CDC5L: variants seen among roughly 807,000 people sequenced by gnomAD.
CDC5L encodes cell division cycle 5-like protein.
A neutral mutation model predicts 104.1 loss-of-function variants in CDC5L; 18 were observed. The ratio of observed to expected loss-of-function variants is 0.17; its 90% CI spans 0.12 to 0.26. The LOEUF (loss-of-function observed/expected upper bound fraction) is 0.26. Among genes scored for constraint, CDC5L ranks in the 10% least tolerant of loss-of-function variants. The pLI, the probability that CDC5L is intolerant of heterozygous loss-of-function variation, is 1.00. For missense variants in CDC5L, 673 were observed against 956.9 expected, an observed-to-expected ratio of 0.70 and a Z score of 3.91; for synonymous variants, 331 against 322.7, an observed-to-expected ratio of 1.03 and a Z score of -0.28.
intron 2 of CDC5L, 32 bp from the exon 3 acceptor site, chr6:44,392,635 G>T: frequency 1.3e-6 from 2 of 1,589,944 alleles, no homozygotes; most frequent in South Asian, 2.2e-5. Context: ...CCAGGTAACT[G>T]ATTAATATAT....
chr6:44,404,145 A>T (rs1253413512), intron 6 of CDC5L, 118 bp downstream of exon 6: 5 of 670,630 alleles, frequency 7.5e-6, no homozygotes, highest in African/African-American at 3.8e-5. Flanking sequence ...TACATTTTTT[A>T]AAATCAATTT....
At chr6:44,406,954 A>T (rs561597772) in intron 7 of CDC5L, among the ~76,000 whole-genome samples, 1 of 152,184 alleles carries the variant, frequency 6.6e-6, no homozygotes, top group African/African-American at 2.4e-5. Flanking sequence ...AAAAAACCCC[A>T]CAAGTAATTG....
In CDC5L at chr6:44,387,728, T is replaced by G. The variant is rs1196797530; in HGVS notation, c.-96T>G. The G allele has an allele frequency of 7.3e-6, 8 of 1,100,552 alleles. No individual in the cohort carries two copies. Among genetic ancestry groups the G allele is most frequent in the Non-Finnish European group, 1.1e-5 (8 of 740,020 alleles). 68.2% of individuals were successfully genotyped at this position (1,100,552 alleles called of 1,614,324 possible). ...GATCTTCAAAGCAGAAGGTCGCGCT[T>G]GGAGGAAGTGGCGGCTTTGAGTCCG... is the stretch of plus-strand genomic sequence containing the variant. On this transcript the variant is annotated 5_prime_UTR_variant, in exon 1 of 16. Coordinates refer to ENST00000371477, the MANE Select transcript of CDC5L (RefSeq NM_001253.4).
intron 5 of CDC5L, among the ~76,000 whole-genome samples, chr6:44,403,006 A>G (rs556144475): frequency 1.1e-4 from 16 of 152,302 alleles, no homozygotes; most frequent in Admixed American, 3.9e-4. Flanking sequence ...TTATTTCCTC[A>G]GGCTAAAGGC....
chr6:44,403,241 G>C (rs1363126521), intron 5 of CDC5L, among the ~76,000 whole-genome samples: 2 of 150,784 alleles, frequency 1.3e-5, no homozygotes, highest in Non-Finnish European at 3.0e-5. Flanking sequence ...TTCTTTAATT[G>C]TTAAATAAAA....
intron 14 of CDC5L, among the ~76,000 whole-genome samples, chr6:44,434,523 A>G (rs1216490259): frequency 2.0e-5 from 3 of 152,172 alleles, no homozygotes; most frequent in Admixed American, 1.3e-4. Context: ...TGACTATTAT[A>G]TGGGATCATA....
intron 14 of CDC5L, among the ~76,000 whole-genome samples, chr6:44,430,585 T>A (rs1415518853): frequency 2.0e-5 from 3 of 151,278 alleles, no homozygotes; most frequent in Non-Finnish European, 4.4e-5. Context: ...TCTTTTTTTT[T>A]TTTTTTGAGA....
intron 8 of CDC5L, among the ~76,000 whole-genome samples, chr6:44,412,328 G>A (rs1442447466): frequency 6.6e-6 from 1 of 151,126 alleles, no homozygotes; most frequent in African/African-American, 2.4e-5. Context: ...TTTTCAGACA[G>A]GGTCTCACTC....
rs1279558309 is a variant in CDC5L, at chr6:44,419,465, T to C, written c.1109T>C (p.Met370Thr). The stretch of plus-strand genomic sequence containing the variant: ...GTTAATCAGGAAGCCCAGAACCTCA[T>C]GGCCCTCACCAATGTGGACACCCCA... ...DRILQEAQNL[M>T]ALTNVDTPLK... is the part of the protein sequence containing the mutation. The change falls in exon 9 of 16, where the codon ATG becomes ACG. Residue 370 changes from methionine (M) to threonine (T), a missense_variant. Physicochemically the swap from Met to Thr is moderately conservative, Grantham distance 81 (BLOSUM62 -1). This residue lies in a region of CDC5L where 578 missense variants were observed against 737.0 expected (regional missense o/e 0.78). Transcript: ENST00000371477. The C allele has an allele frequency of 5.0e-6, 8 of 1,614,002 alleles. No homozygotes were observed. Among genetic ancestry groups the C allele is most frequent in the Non-Finnish European group, 5.9e-6 (7 of 1,180,006 alleles).
chr6:44,388,345 C>T (rs1256983776), intron 1 of CDC5L, among the ~76,000 whole-genome samples: 1 of 152,046 alleles, frequency 6.6e-6, no homozygotes, highest in Non-Finnish European at 1.5e-5. Flanking sequence ...GTGCCAGGTT[C>T]AGAGAGCCCG....
chr6:44,396,074 A>C (rs1456640544), intron 4 of CDC5L, among the ~76,000 whole-genome samples: 2 of 152,144 alleles, frequency 1.3e-5, no homozygotes, highest in Admixed American at 6.6e-5. Flanking sequence ...GTGAAATAGG[A>C]ATTGTTATTC....
At chr6:44,430,425 C>T (rs1792626832) in intron 14 of CDC5L, among the ~76,000 whole-genome samples, 1 of 147,926 alleles carries the variant, frequency 6.8e-6, no homozygotes, top group Non-Finnish European at 1.5e-5. Context: ...TTTTTCATGT[C>T]TGTGAAAATG....
chr6:44,406,464 T>A lies in CDC5L; in HGVS notation c.900T>A (p.Pro300=), dbSNP rs772580846. The change falls in exon 7 of 16, where the codon CCT becomes CCA. Residue 300 remains proline (P), a synonymous_variant. Transcript: ENST00000371477. The part of the protein sequence containing the change: ...KKRSKLVLPA[P]QISDAELQEV... ...GAAGCAAACTAGTACTTCCTGCCCC[T>A]CAGGTAATCTGATAAAAGCAAATTT... 3.7e-6 allele frequency: 6 copies of A among 1,601,890 alleles called. No individual in the cohort carries two copies. The highest frequency in any genetic ancestry group is 1.7e-4 in the Middle Eastern group (1 of 6,056).
At chr6:44,444,750 A>C (rs780827370) in intron 14 of CDC5L, among the ~76,000 whole-genome samples, 5 of 152,152 alleles carry the variant, frequency 3.3e-5, no homozygotes, top group Admixed American at 6.5e-5. Context: ...AGAGACATGC[A>C]TATGCCTAGT....
chr6:44,404,120 ATTAT>A, intron 6 of CDC5L, 93 bp downstream of exon 6: 3 of 747,896 alleles, frequency 4.0e-6, no homozygotes, highest in Non-Finnish European at 6.0e-6. Context: ...CCAGATTTTT[ATTAT>A]TTATTTATTT....
At chr6:44,391,350 G>A (rs1342207223) in intron 2 of CDC5L, among the ~76,000 whole-genome samples, 1 of 151,822 alleles carries the variant, frequency 6.6e-6, no homozygotes, top group Non-Finnish European at 1.5e-5. Flanking sequence ...CCGGGTTCAC[G>A]CCATTCTTCT....
intron 14 of CDC5L, 29 bp downstream of exon 14, chr6:44,429,939 A>G (rs368815621): frequency 2.1e-5 from 32 of 1,557,974 alleles, no homozygotes; most frequent in Non-Finnish European, 2.7e-5. Context: ...TTTTAATTTT[A>G]AATGTACTTT....
intron 8 of CDC5L, among the ~76,000 whole-genome samples, chr6:44,414,429 TG>T (rs1554159485): frequency 3.5e-4 from 51 of 145,988 alleles, no homozygotes; most frequent in Middle Eastern, 3.4e-3. Flanking sequence ...TGTGTGTGTG[TG>T]TATTTTTTTT....
chr6:44,392,400 A>G (rs765357851), intron 2 of CDC5L, among the ~76,000 whole-genome samples: 11 of 152,214 alleles, frequency 7.2e-5, no homozygotes, highest in East Asian at 1.9e-4. Flanking sequence ...TAAAAACATG[A>G]TAGATGAGAA....
Sources: allele counts gnomAD v4.1 joint callset (sites outside exome capture counted in the v4.1 genomes callset), GRCh38; gene constraint gnomAD v4.1.1; regional missense constraint gnomAD v4.1.1; transcripts MANE v1.5; gene names NCBI Gene and HGNC (gene_info 2026-07-23, HGNC 2026-07-21).